COG3: variants seen among roughly 807,000 people sequenced by gnomAD.
COG3 encodes component of oligomeric golgi complex 3.
COG3 carries 32 observed loss-of-function variants against 114.1 expected under a neutral mutation model. That is an observed-to-expected ratio of 0.28 (90% confidence interval 0.21 to 0.38). The LOEUF is 0.38. COG3 is among the 10% of genes least tolerant of loss of function. The pLI is 1.00. For missense variants in COG3, 813 were observed against 973.2 expected (o/e 0.84, Z 2.19); for synonymous variants, 352 against 365.7 (o/e 0.96, Z 0.43).
Position 45,498,648 on chromosome 13 carries a change from G to T in COG3, c.1488+2336G>T, listed in dbSNP as rs1421296304. 2.6e-5 allele frequency among the ~76,000 whole-genome samples: 4 copies of T among 151,252 alleles called. No homozygotes were observed. In the East Asian group the frequency reaches 7.8e-4, roughly 29 times the overall value. On this transcript the variant is annotated intron_variant, in intron 13 of 22. Transcript: ENST00000349995. ...CATAGATTAATGGTTTTTTTGTTTT[G>T]TTTTGTTTTGTTTTTGGACTCTCAA... is the stretch of plus-strand genomic sequence containing the variant.
At chr13:45,501,688 G>A (rs1869555766) in intron 13 of COG3, among the ~76,000 whole-genome samples, 1 of 152,144 alleles carries the variant, frequency 6.6e-6, no homozygotes, top group Non-Finnish European at 1.5e-5. Flanking sequence ...CAGGGGTATT[G>A]TTGCTTTTAA....
intron 13 of COG3, among the ~76,000 whole-genome samples, chr13:45,501,326 G>A (rs148933807): frequency 6.6e-6 from 1 of 152,234 alleles, no homozygotes; most frequent in African/African-American, 2.4e-5. Context: ...ATGTCAGTGT[G>A]GACTTGGTCT....
At chr13:45,531,049 A>G (rs1873124978) in intron 22 of COG3, 1 of 1,042,240 alleles carries the variant, frequency 9.6e-7, no homozygotes, top group Non-Finnish European at 1.2e-6. Context: ...ACCTGTTTGT[A>G]AAAGACTCAA....
In COG3 at chr13:45,481,238, T is replaced by A; in HGVS notation, c.558T>A (p.Leu186=). 1 of 1,588,124 alleles carries A rather than the reference T, an allele frequency of 6.3e-7. No homozygotes were observed. Among genetic ancestry groups the A allele is most frequent in the Non-Finnish European group, 8.6e-7 (1 of 1,159,604 alleles). The change falls in exon 5 of 23, where the codon CTT becomes CTA. Residue 186 remains leucine, a synonymous_variant. Transcript: ENST00000349995. ...CEQLLKEQSE[L]VDLAENIQQK... is the part of the protein sequence containing the mutation. ...CTTTTAAAAAATGCAAGTCGGAACT[T>A]GTTGATCTGGCTGAAAACATTCAAC...
chr13:45,473,163 C>A (rs916481410), intron 1 of COG3, among the ~76,000 whole-genome samples: 12 of 152,134 alleles, frequency 7.9e-5, no homozygotes, highest in Non-Finnish European at 1.5e-4. Context: ...GCCACTGCAC[C>A]CGGCCTGTTT....
intron 5 of COG3, 126 bp downstream of exon 5, chr13:45,481,430 A>C: frequency 1.6e-6 from 1 of 615,752 alleles, no homozygotes; most frequent in African/African-American, 1.9e-5. Context: ...TTGCTGATAG[A>C]TATTCCTATT....
intron 1 of COG3, among the ~76,000 whole-genome samples, chr13:45,468,501 C>G (rs1885283024): frequency 6.6e-6 from 1 of 151,956 alleles, no homozygotes; most frequent in Non-Finnish European, 1.5e-5. Context: ...TCCACCTATA[C>G]CTCTTCAGTA....
At chr13:45,468,150 G>A (rs1235060802) in intron 1 of COG3, among the ~76,000 whole-genome samples, 2 of 152,114 alleles carry the variant, frequency 1.3e-5, no homozygotes, top group Non-Finnish European at 2.9e-5. Context: ...AATTTACCCC[G>A]ACATTTACCT....
intron 16 of COG3, among the ~76,000 whole-genome samples, chr13:45,513,687 A>C (rs908054035): frequency 6.6e-6 from 1 of 151,474 alleles, no homozygotes; most frequent in Admixed American, 6.6e-5. Context: ...AGGTGAAATG[A>C]AATTTTCACA....
chr13:45,534,822 T>C lies in COG3; in HGVS notation c.*91T>C. 3 of 1,451,278 alleles carry C rather than the reference T, an allele frequency of 2.1e-6. No individual in the cohort carries two copies. Among genetic ancestry groups the C allele is most frequent in the Admixed American group, 2.9e-5 (1 of 35,042 alleles). 89.9% of individuals were successfully genotyped at this position (1,451,278 alleles called of 1,614,324 possible). On this transcript the variant is annotated 3_prime_UTR_variant, in exon 23 of 23. Coordinates refer to ENST00000349995, the MANE Select transcript of COG3 (RefSeq NM_031431.4). ...CTGCAGGACACCGAGGAATCGTATG[T>C]GGGAACGTCCCCGAGAACCACACGA...
chr13:45,500,950 G>C (rs1268761432), intron 13 of COG3, among the ~76,000 whole-genome samples: 1 of 152,170 alleles, frequency 6.6e-6, no homozygotes, highest in Non-Finnish European at 1.5e-5. Flanking sequence ...GTTGGAATTC[G>C]TCTGATGTTA....
intron 19 of COG3, among the ~76,000 whole-genome samples, chr13:45,519,558 G>A (rs780722691): frequency 6.6e-6 from 1 of 152,140 alleles, no homozygotes; most frequent in Non-Finnish European, 1.5e-5. Flanking sequence ...TTATAACATA[G>A]CATTGTTAAC....
At position 45,529,930 on chromosome 13, in the gene COG3, A is replaced by G. The variant is rs374439078; in HGVS notation, c.2358+12A>G. ...TTAAACCTGTGAGGGTGAGTATCAG[A>G]TAACTCATTTGAATGTTGGCGGGTG... On this transcript the variant is annotated intron_variant, in intron 21 of 22. Coordinates refer to ENST00000349995, the MANE Select transcript of COG3 (RefSeq NM_031431.4). 1 of 1,595,886 alleles carries G rather than the reference A, an allele frequency of 6.3e-7. No individual in the cohort carries two copies. Among genetic ancestry groups the G allele is most frequent in the African/African-American group, 1.4e-5 (1 of 73,936 alleles).
chr13:45,498,408 G>A (rs1869090688), intron 13 of COG3, among the ~76,000 whole-genome samples: 1 of 134,818 alleles, frequency 7.4e-6, no homozygotes, highest in Non-Finnish European at 1.5e-5. Flanking sequence ...CACCCAGGCT[G>A]GAGTGCAGTG....
At chr13:45,488,469 A>C (rs892985207) in intron 8 of COG3, among the ~76,000 whole-genome samples, 1 of 152,230 alleles carries the variant, frequency 6.6e-6, no homozygotes, top group Non-Finnish European at 1.5e-5. Flanking sequence ...CCATGTATCA[A>C]AATATCACAT....
intron 17 of COG3, among the ~76,000 whole-genome samples, chr13:45,517,251 G>A (rs1871633476): frequency 6.6e-6 from 1 of 152,034 alleles, no homozygotes; most frequent in South Asian, 2.1e-4. Flanking sequence ...TATTTTCTAT[G>A]TGTTACAGTT....
intron 16 of COG3, 122 bp downstream of exon 16, chr13:45,511,976 T>C (rs1870913484): frequency 1.4e-6 from 1 of 718,094 alleles, no homozygotes; most frequent in African/African-American, 1.8e-5. Context: ...CATGATTGAA[T>C]TTTGAGGCTC....
rs1402979116 is a variant in COG3, at chr13:45,493,504, A to G, written c.1327+18A>G. 4 of 1,604,476 alleles carry G rather than the reference A, an allele frequency of 2.5e-6. No individual in the cohort carries two copies. The highest frequency in any genetic ancestry group is 3.4e-6 in the Non-Finnish European group (4 of 1,174,212). On this transcript the variant is annotated intron_variant, in intron 12 of 22. Transcript: ENST00000349995. ...GAACAATGGTAAATGAGTAGAAATG[A>G]TCATTTTAAGTTATATCACTGGCTC...
At chr13:45,521,316 A>G (rs575705185) in intron 19 of COG3, among the ~76,000 whole-genome samples, 14 of 152,172 alleles carry the variant, frequency 9.2e-5, no homozygotes, top group Non-Finnish European at 1.6e-4. Flanking sequence ...TGGGATTGGG[A>G]AGGGAAAGGC....
Sources: allele counts gnomAD v4.1 joint callset (sites outside exome capture counted in the v4.1 genomes callset), GRCh38; gene constraint gnomAD v4.1.1; transcripts MANE v1.5; gene names NCBI Gene and HGNC (gene_info 2026-07-23, HGNC 2026-07-21).